PRKN: variants seen among roughly 807,000 people sequenced by gnomAD.
The protein encoded by PRKN is parkin RBR E3 ubiquitin protein ligase, also known as E3 ubiquitin-protein ligase parkin.
PRKN carries 56 observed loss-of-function variants against 59.5 expected under a neutral mutation model. The observed-to-expected ratio is 0.94, with a 90% CI of 0.76 to 1.18. The LOEUF is 1.18. Ranked by LOEUF, PRKN falls within the 50% of genes most tolerant of loss-of-function variation. The pLI is 0.00. For missense variants in PRKN, 657 were observed against 596.4 expected (o/e 1.10, Z -1.06); for synonymous variants, 250 against 222.1 (o/e 1.13, Z -1.12).
At chr6:162,293,704 T>C (rs1401194001) in intron 2 of PRKN, among the ~76,000 whole-genome samples, 1 of 152,044 alleles carries the variant, frequency 6.6e-6, no homozygotes, top group Non-Finnish European at 1.5e-5. Flanking sequence ...GGAATGTGAA[T>C]ACAGTGGGTG....
intron 6 of PRKN, among the ~76,000 whole-genome samples, chr6:161,904,283 T>C (rs9355962): frequency 0.54 from 80,153 of 147,138 alleles, 21,954 homozygotes; most frequent in Middle Eastern, 0.66. Context: ...GGGCAAGGTG[T>C]GTTGGCTTGT....
chr6:161,562,743 GT>G lies in PRKN; in HGVS notation c.933+6611del, dbSNP rs1454062547. On this transcript the variant is annotated intron_variant, in intron 8 of 11. Coordinates refer to ENST00000366898, the MANE Select transcript of PRKN (RefSeq NM_004562.3). The surrounding 1 kb of genome is among the most constrained non-coding windows in gnomAD (Gnocchi z 4.3). ...CCTTCCTTTCCCTGACCCACAGCCA[GT>G]CAGTCACCAAGTCCTTGAATTCTGC... Among the ~76,000 whole-genome samples, 1 of 151,310 alleles carries G rather than the reference GT, an allele frequency of 6.6e-6. No individual in the cohort carries two copies. Among genetic ancestry groups the G allele is most frequent in the Non-Finnish European group, 1.5e-5 (1 of 67,424 alleles).
chr6:161,868,261 A>G (rs1201628962), intron 6 of PRKN, among the ~76,000 whole-genome samples: 1 of 151,906 alleles, frequency 6.6e-6, no homozygotes. Context: ...ATCCTAAAAT[A>G]AGAGGTGATT....
intron 2 of PRKN, among the ~76,000 whole-genome samples, chr6:162,279,405 AAAAG>A (rs145331675): frequency 0.063 from 9,572 of 151,658 alleles, 409 homozygotes; most frequent in Middle Eastern, 0.16. Context: ...GAAAGACAGA[AAAAG>A]AAAGAAAGAA....
At chr6:162,012,514 C>A (rs770813357) in intron 5 of PRKN, among the ~76,000 whole-genome samples, 3 of 151,734 alleles carry the variant, frequency 2.0e-5, no homozygotes, top group Admixed American at 1.3e-4. Context: ...GTCCCTTTAC[C>A]CCTAAACACT....
intron 2 of PRKN, among the ~76,000 whole-genome samples, chr6:162,414,334 G>A (rs1220325658): frequency 6.6e-6 from 1 of 152,096 alleles, no homozygotes; most frequent in Non-Finnish European, 1.5e-5. Flanking sequence ...CTCTGTGTTA[G>A]GTAAGGACAA....
At chr6:162,607,671 G>A (rs550885579) in intron 1 of PRKN, among the ~76,000 whole-genome samples, 16 of 152,230 alleles carry the variant, frequency 1.1e-4, no homozygotes, top group South Asian at 4.2e-4. Flanking sequence ...TAATAAACTA[G>A]AAGTGATGGG....
intron 1 of PRKN, among the ~76,000 whole-genome samples, chr6:162,707,142 AGCAAATT>A (rs1273306913): frequency 1.3e-5 from 2 of 152,204 alleles, no homozygotes. Context: ...GAGTTTCCCC[AGCAAATT>A]GTAAATAACT....
chr6:162,683,731 G>A (rs778976808), intron 1 of PRKN, among the ~76,000 whole-genome samples: 1 of 152,034 alleles, frequency 6.6e-6, no homozygotes. Context: ...ATTTGTCTTT[G>A]TCTTATAATA....
chr6:162,306,595 G>GA, intron 2 of PRKN, among the ~76,000 whole-genome samples: 1 of 152,166 alleles, frequency 6.6e-6, no homozygotes, highest in African/African-American at 2.4e-5. Flanking sequence ...GGCTCTTTGA[G>GA]AAGCTCAGTA....
chr6:161,928,593 C>T (rs1433108388), intron 6 of PRKN, among the ~76,000 whole-genome samples: 2 of 152,158 alleles, frequency 1.3e-5, no homozygotes, highest in Non-Finnish European at 2.9e-5. Flanking sequence ...GAAAATATAA[C>T]AATCATCAGA....
chr6:161,454,489 A>T lies in PRKN; in HGVS notation c.1084-67612T>A, dbSNP rs1789878692. On this transcript the variant is annotated intron_variant, in intron 9 of 11. Coordinates refer to ENST00000366898, the MANE Select transcript of PRKN (RefSeq NM_004562.3). This position sits in a 1 kb window ranked among gnomAD's most constrained non-coding sequence, Gnocchi z 4.6. ...ATTCGTGGTCTTGAGTCCAGGTTCCAGGTTCTAAGCTTGGTCTATGCTTTT... is the reference window on the plus strand; with the variant it reads ...ATTCGTGGTCTTGAGTCCAGGTTCCTGGTTCTAAGCTTGGTCTATGCTTTT... Among the ~76,000 whole-genome samples, 1 of 152,170 alleles carries T rather than the reference A, an allele frequency of 6.6e-6. No homozygotes were observed. The highest frequency in any genetic ancestry group is 1.5e-5 in the Non-Finnish European group (1 of 68,014).
chr6:162,549,491 T>C (rs896342523), intron 1 of PRKN, among the ~76,000 whole-genome samples: 3 of 152,202 alleles, frequency 2.0e-5, no homozygotes, highest in Non-Finnish European at 2.9e-5. Context: ...TCTAGAATTT[T>C]GAATTTATTT....
rs971355765 is a variant in PRKN, at chr6:162,387,579, G to C, written c.171+55731C>G. 6.0e-3 allele frequency among the ~76,000 whole-genome samples: 901 copies of C among 150,426 alleles called. 11 individuals are homozygous for C. Among genetic ancestry groups the C allele is most frequent in the African/African-American group, 0.021 (839 of 40,820 alleles). On this transcript the variant is annotated intron_variant, in intron 2 of 11. Coordinates refer to ENST00000366898, the MANE Select transcript of PRKN (RefSeq NM_004562.3). ...ACAGAGAGAGAGAGAGAGAGAGAGA[G>C]AGAGAGAGAGAGAGAGAGAGAGAGA...
chr6:161,376,328 C>T lies in PRKN; in HGVS notation c.1167+10466G>A, dbSNP rs1785700459. Among the ~76,000 whole-genome samples, 1 of 152,218 alleles carries T rather than the reference C, an allele frequency of 6.6e-6. No individual in the cohort carries two copies. On this transcript the variant is annotated intron_variant, in intron 10 of 11. Transcript: ENST00000366898. This position sits in a 1 kb window ranked among gnomAD's most constrained non-coding sequence, Gnocchi z 7.3. ...GTCTAGGCATCCACTCCTTTCCCCA[C>T]TGAACCCCTAGCTGAGATGTCCACA...
intron 1 of PRKN, among the ~76,000 whole-genome samples, chr6:162,707,482 A>G (rs1346698747): frequency 6.6e-6 from 1 of 152,228 alleles, no homozygotes; most frequent in Non-Finnish European, 1.5e-5. Context: ...ATGAAGGACT[A>G]AAATAAAAAA....
In PRKN at chr6:161,507,586, G is replaced by A. The variant is rs11966153; in HGVS notation, c.1083+41268C>T. Reference sequence around the variant, plus strand: ...CTGGGGACAGCCAAGCTTTCCTCTCGGCCCAGCACGCAGCTGTTCAGGAAG... The same window carrying A: ...CTGGGGACAGCCAAGCTTTCCTCTCAGCCCAGCACGCAGCTGTTCAGGAAG... On this transcript the variant is annotated intron_variant, in intron 9 of 11. Transcript: ENST00000366898. Among the ~76,000 whole-genome samples, 967 of 152,174 alleles carry A rather than the reference G, an allele frequency of 6.4e-3. 12 individuals are homozygous for A. Among genetic ancestry groups the A allele is most frequent in the African/African-American group, 0.022 (900 of 41,492 alleles).
At chr6:161,508,358 G>A (rs920733513) in intron 9 of PRKN, among the ~76,000 whole-genome samples, 5 of 152,190 alleles carry the variant, frequency 3.3e-5, no homozygotes, top group Admixed American at 6.5e-5. Flanking sequence ...CCTTTAGGCA[G>A]AACAAGATAT....
chr6:161,918,431 C>T (rs1259668516), intron 6 of PRKN, among the ~76,000 whole-genome samples: 7 of 152,306 alleles, frequency 4.6e-5, no homozygotes. Context: ...TCTTATGAGG[C>T]TTATGGTCTG....
Sources: allele counts gnomAD v4.1 joint callset (sites outside exome capture counted in the v4.1 genomes callset), GRCh38; gene constraint gnomAD v4.1.1; non-coding constraint Gnocchi (gnomAD v3.1); transcripts MANE v1.5; gene names NCBI Gene and HGNC (gene_info 2026-07-23, HGNC 2026-07-21).